Variants in MYO1E observed in about 807,000 individuals in gnomAD.
The protein encoded by MYO1E is unconventional myosin-Ie.
Under a neutral mutation model 151.1 loss-of-function variants are expected in MYO1E, and 68 were observed. The ratio of observed to expected loss-of-function variants is 0.45; its 90% CI spans 0.37 to 0.55. MYO1E has a LOEUF of 0.55. Among genes scored for constraint, MYO1E ranks in the 20% least tolerant of loss-of-function variants. MYO1E has a pLI of 0.00. For missense variants in MYO1E, 1,363 were observed against 1,389.3 expected (o/e 0.98, Z 0.30); for synonymous variants, 601 against 501.7 (o/e 1.20, Z -2.64).
At chr15:59,216,631 C>A in intron 10 of MYO1E, among the ~76,000 whole-genome samples, 1 of 26,458 alleles carries the variant, frequency 3.8e-5, no homozygotes, top group African/African-American at 1.5e-4. Context: ...TCTTTTGGAT[C>A]GAAGGGCCCC....
chr15:59,220,014 G>A (rs1030199032), intron 9 of MYO1E, among the ~76,000 whole-genome samples: 1 of 152,184 alleles, frequency 6.6e-6, no homozygotes, highest in Non-Finnish European at 1.5e-5. Flanking sequence ...GACCCATGTC[G>A]GGTTGTTGTG....
intron 1 of MYO1E, among the ~76,000 whole-genome samples, chr15:59,328,261 G>C (rs1475945555): frequency 6.6e-6 from 1 of 152,180 alleles, no homozygotes; most frequent in African/African-American, 2.4e-5. Flanking sequence ...CACTGGGGAA[G>C]TGACCTTCTG....
chr15:59,299,901 A>C (rs962743548), intron 1 of MYO1E, among the ~76,000 whole-genome samples: 2 of 152,228 alleles, frequency 1.3e-5, no homozygotes, highest in African/African-American at 4.8e-5. Context: ...AGAAGTTGCT[A>C]TTTTAAAAAT....
chr15:59,233,950 A>G (rs542049323), intron 5 of MYO1E, among the ~76,000 whole-genome samples: 1 of 151,672 alleles, frequency 6.6e-6, no homozygotes, highest in Non-Finnish European at 1.5e-5. Context: ...CTTTTTTTAC[A>G]TATTGGGTTA....
At chr15:59,368,967 G>A (rs1182572006) in intron 1 of MYO1E, among the ~76,000 whole-genome samples, 5 of 152,148 alleles carry the variant, frequency 3.3e-5, no homozygotes, top group African/African-American at 1.2e-4. Context: ...CGGACTCTAG[G>A]TATTTCCCCA....
At chr15:59,289,829 G>C (rs1178106833) in intron 1 of MYO1E, among the ~76,000 whole-genome samples, 1 of 152,126 alleles carries the variant, frequency 6.6e-6, no homozygotes, top group Non-Finnish European at 1.5e-5. Flanking sequence ...ACATGGTTGG[G>C]TCACACCAGT....
At chr15:59,231,215 G>A (rs1349773439) in intron 6 of MYO1E, among the ~76,000 whole-genome samples, 1 of 152,226 alleles carries the variant, frequency 6.6e-6, no homozygotes, top group Non-Finnish European at 1.5e-5. Context: ...GCGGTGGGCA[G>A]GCAGCTCGCT....
chr15:59,214,440 A>C lies in MYO1E; in HGVS notation c.1189-126T>G, dbSNP rs1477602038. On this transcript the variant is annotated intron_variant, in intron 11 of 27. Transcript: ENST00000288235. ...TAGAAATGTTGGATGCATCAAAAGA[A>C]ATAAGTTTATATTTAGGAGAAACTA... 5.6e-6 allele frequency: 5 copies of C among 900,262 alleles called. No homozygotes were observed. In the Admixed American group the frequency reaches 1.1e-4, roughly 19 times the overall value. 55.8% of individuals were successfully genotyped at this position (900,262 alleles called of 1,614,324 possible).
chr15:59,209,881 C>A (rs2079868107), intron 13 of MYO1E, among the ~76,000 whole-genome samples: 2 of 113,048 alleles, frequency 1.8e-5, no homozygotes, highest in South Asian at 6.5e-4. Context: ...GTCACCCAGG[C>A]TAGAGTGCAG....
At chr15:59,261,872 T>G (rs1337019275) in intron 2 of MYO1E, among the ~76,000 whole-genome samples, 1 of 152,224 alleles carries the variant, frequency 6.6e-6, no homozygotes, top group Non-Finnish European at 1.5e-5. Flanking sequence ...TATGCATTTT[T>G]TCCTTTGAAC....
intron 22 of MYO1E, among the ~76,000 whole-genome samples, chr15:59,168,950 A>G (rs984795686): frequency 2.0e-5 from 3 of 152,210 alleles, no homozygotes; most frequent in Admixed American, 6.5e-5. Context: ...GTTTCAGTAC[A>G]TATTATTAAA....
chr15:59,364,449 C>A lies in MYO1E; in HGVS notation c.3+8049G>T, dbSNP rs73428955. On this transcript the variant is annotated intron_variant, in intron 1 of 27. Transcript: ENST00000288235. ...CCCTGTACACACTTCTGGAGGAAGT[C>A]TCCATACAGTTATGACACACAGTGA... Among the ~76,000 whole-genome samples, 818 of 152,332 alleles carry A rather than the reference C, an allele frequency of 5.4e-3. 10 individuals are homozygous for A. Among genetic ancestry groups the A allele is most frequent in the Middle Eastern group, 0.02 (6 of 294 alleles).
intron 26 of MYO1E, among the ~76,000 whole-genome samples, chr15:59,142,233 G>C (rs183024962): frequency 1.3e-5 from 2 of 152,096 alleles, no homozygotes. Context: ...TGGGCACAGC[G>C]GGCCAGTTGA....
chr15:59,146,910 G>A (rs2079444775), intron 26 of MYO1E, among the ~76,000 whole-genome samples: 1 of 152,036 alleles, frequency 6.6e-6, no homozygotes, highest in Non-Finnish European at 1.5e-5. Flanking sequence ...GCACGAAAAA[G>A]CTGACCCACA....
At chr15:59,291,369 A>G (rs1286822971) in intron 1 of MYO1E, among the ~76,000 whole-genome samples, 1 of 152,182 alleles carries the variant, frequency 6.6e-6, no homozygotes, top group African/African-American at 2.4e-5. Flanking sequence ...CTACATGTCA[A>G]TTCAAGTTCA....
chr15:59,141,906 G>C (rs867573077), intron 26 of MYO1E, among the ~76,000 whole-genome samples: 3 of 151,610 alleles, frequency 2.0e-5, no homozygotes, highest in Middle Eastern at 6.9e-3. Context: ...AGGAGATAGA[G>C]ACCATCCTGG....
At chr15:59,317,106 T>C (rs2080593858) in intron 1 of MYO1E, among the ~76,000 whole-genome samples, 1 of 152,206 alleles carries the variant, frequency 6.6e-6, no homozygotes, top group Non-Finnish European at 1.5e-5. Context: ...TTCCAATCTT[T>C]ATCCGTCTAT....
chr15:59,343,148 C>G (rs1261310796), intron 1 of MYO1E, among the ~76,000 whole-genome samples: 1 of 152,124 alleles, frequency 6.6e-6, no homozygotes, highest in Non-Finnish European at 1.5e-5. Flanking sequence ...ACATCCTTTT[C>G]TTTCAGATTG....
At chr15:59,289,917 T>C (rs1298477922) in intron 1 of MYO1E, among the ~76,000 whole-genome samples, 1 of 152,196 alleles carries the variant, frequency 6.6e-6, no homozygotes, top group African/African-American at 2.4e-5. Flanking sequence ...TCTCATTGTA[T>C]CTGTGAAATA....
Sources: gnomAD v4.1 joint callset for allele counts (sites outside exome capture counted in the v4.1 genomes callset) on GRCh38, gnomAD v4.1.1 for gene constraint, MANE v1.5 for transcripts, NCBI Gene and HGNC (gene_info 2026-07-23, HGNC 2026-07-21) for gene names.